CACNG6: variants seen among roughly 807,000 people sequenced by gnomAD.
CACNG6 encodes the protein voltage-dependent calcium channel gamma-6 subunit.
In CACNG6, 21 loss-of-function variants were observed where a neutral mutation model predicts 23.9. That is an observed-to-expected ratio of 0.88 (90% confidence interval 0.62 to 1.26). The LOEUF is 1.26. Ranked by LOEUF, CACNG6 falls within the 50% of genes most tolerant of loss-of-function variation. The pLI, the probability that CACNG6 is intolerant of heterozygous loss-of-function variation, is 0.00. For synonymous variants in CACNG6, 182 were observed against 168.9 expected (o/e 1.08, Z -0.60); for missense variants, 340 against 352.9 (o/e 0.96, Z 0.29).
chr19:54,011,615 A>T (rs1024845322), intron 3 of CACNG6, among the ~76,000 whole-genome samples: 15 of 151,908 alleles, frequency 9.9e-5, no homozygotes, highest in Admixed American at 9.2e-4. Context: ...TTGTTATGCA[A>T]CTATCACCCC....
At chr19:54,003,424 G>T (rs4806483) in intron 3 of CACNG6, among the ~76,000 whole-genome samples, 1 of 151,816 alleles carries the variant, frequency 6.6e-6, no homozygotes, top group Non-Finnish European at 1.5e-5. Flanking sequence ...GCAGCGGTGC[G>T]ATCTCGGCTC....
intron 3 of CACNG6, among the ~76,000 whole-genome samples, chr19:54,002,809 G>C (rs34281166): frequency 2.0e-5 from 3 of 152,128 alleles, no homozygotes; most frequent in Non-Finnish European, 4.4e-5. Context: ...GTTAGATTGC[G>C]TGTCAGGGAC....
intron 3 of CACNG6, among the ~76,000 whole-genome samples, chr19:54,006,727 G>A (rs181769997): frequency 6.6e-6 from 1 of 151,734 alleles, no homozygotes; most frequent in African/African-American, 2.4e-5. Context: ...TAGAGAGGGG[G>A]TTTCTCTATG....
At chr19:54,004,536 A>T (rs986333299) in intron 3 of CACNG6, among the ~76,000 whole-genome samples, 1 of 152,078 alleles carries the variant, frequency 6.6e-6, no homozygotes, top group Admixed American at 6.6e-5. Flanking sequence ...ATACTTTTAT[A>T]TCATAAGTCG....
At chr19:54,001,899 T>C (rs1473344374) in intron 3 of CACNG6, among the ~76,000 whole-genome samples, 1 of 152,176 alleles carries the variant, frequency 6.6e-6, no homozygotes, top group Admixed American at 6.5e-5. Flanking sequence ...GCCATGTAAT[T>C]GGGGCAAACC....
At chr19:54,001,527 G>A (rs1163628969) in intron 3 of CACNG6, among the ~76,000 whole-genome samples, 3 of 152,188 alleles carry the variant, frequency 2.0e-5, no homozygotes, top group Non-Finnish European at 4.4e-5. Flanking sequence ...ACACCTTCCT[G>A]TGCACCCCCA....
intron 1 of CACNG6, among the ~76,000 whole-genome samples, chr19:53,994,255 C>G (rs540276047): frequency 6.6e-6 from 1 of 152,312 alleles, no homozygotes; most frequent in South Asian, 2.1e-4. Context: ...AGACGCCTCC[C>G]AACACCCGAG....
intron 3 of CACNG6, 33 bp from the exon 4 acceptor site, chr19:54,011,918 G>A (rs749675655): frequency 1.4e-6 from 2 of 1,405,638 alleles, no homozygotes; most frequent in Non-Finnish European, 1.9e-6. Flanking sequence ...GGGGTCGCGG[G>A]CGTCTGACTG....
At chr19:54,003,413 T>G (rs1436453439) in intron 3 of CACNG6, among the ~76,000 whole-genome samples, 2 of 152,082 alleles carry the variant, frequency 1.3e-5, no homozygotes, top group Non-Finnish European at 2.9e-5. Flanking sequence ...CAGGCTGGAG[T>G]GCAGCGGTGC....
intron 1 of CACNG6, among the ~76,000 whole-genome samples, chr19:53,994,166 T>G (rs906333553): frequency 8.5e-5 from 13 of 152,100 alleles, no homozygotes; most frequent in African/African-American, 3.1e-4. Flanking sequence ...CTGTGAGCCC[T>G]GGGGAGACAG....
At chr19:53,997,940 G>T (rs1317758502) in intron 1 of CACNG6, among the ~76,000 whole-genome samples, 1 of 152,102 alleles carries the variant, frequency 6.6e-6, no homozygotes, top group Non-Finnish European at 1.5e-5. Context: ...CCATACGAAG[G>T]GGCCAGGAAA....
chr19:54,009,123 T>C lies in CACNG6; in HGVS notation c.545-2828T>C, dbSNP rs151219984. ...GGCCAACATGGTGAAACCATGACTC[T>C]ACTAAAAATACAAAAATTGCCGGGC... is the stretch of plus-strand genomic sequence containing the variant. On this transcript the variant is annotated intron_variant, in intron 3 of 3. Coordinates refer to ENST00000252729, the MANE Select transcript of CACNG6 (RefSeq NM_145814.2). Among the ~76,000 whole-genome samples the C allele has an allele frequency of 7.5e-3, 1,147 of 152,184 alleles. 12 individuals are homozygous for C. Among genetic ancestry groups the C allele is most frequent in the African/African-American group, 0.026 (1,100 of 41,526 alleles).
chr19:54,009,740 T>C (rs1016982320), intron 3 of CACNG6, among the ~76,000 whole-genome samples: 1 of 151,164 alleles, frequency 6.6e-6, no homozygotes, highest in Non-Finnish European at 1.5e-5. Context: ...GGGTAGGGTC[T>C]TTCTCTATCA....
intron 1 of CACNG6, among the ~76,000 whole-genome samples, chr19:53,997,100 G>A (rs1205663249): frequency 6.6e-6 from 1 of 151,792 alleles, no homozygotes; most frequent in East Asian, 1.9e-4. Flanking sequence ...AAACTCCTGA[G>A]CTCAAGTGAT....
At position 53,992,917 on chromosome 19, in the gene CACNG6, C is replaced by T. The variant is rs775391041; in HGVS notation, c.40C>T (p.Arg14Trp). 23 of 1,402,256 alleles carry T rather than the reference C, an allele frequency of 1.6e-5. No homozygotes were observed. The highest frequency in any genetic ancestry group is 6.1e-5 in the Admixed American group (2 of 33,000). 86.9% of individuals were successfully genotyped at this position (1,402,256 alleles called of 1,614,324 possible). The change falls in exon 1 of 4, where the codon CGG becomes TGG. Residue 14 changes from arginine to tryptophan, a missense_variant. Transcript: ENST00000252729. The surrounding 1 kb of genome is among the most constrained non-coding windows in gnomAD (Gnocchi z 4.1). Reference protein sequence around the residue: ...SNFFLQEENRRRGAAGRRRAH... With the variant: ...SNFFLQEENRWRGAAGRRRAH... ...CTTCTTCCTGCAAGAGGAGAACCGG[C>T]GGCGGGGGGCCGCGGGCCGGCGGCG...
intron 1 of CACNG6, among the ~76,000 whole-genome samples, chr19:53,993,953 C>T (rs2069495510): frequency 6.6e-6 from 1 of 152,092 alleles, no homozygotes; most frequent in South Asian, 2.1e-4. Context: ...CAGACCCAGC[C>T]TGTGATTCCA....
chr19:53,998,988 G>A (rs888913049), intron 2 of CACNG6, among the ~76,000 whole-genome samples: 1 of 152,176 alleles, frequency 6.6e-6, no homozygotes, highest in African/African-American at 2.4e-5. Flanking sequence ...TAGCCCTGCA[G>A]GGTGGGGGCT....
rs2069619563 is a variant in CACNG6 at position 54,004,650 on chromosome 19, C to T, written c.544+4879C>T. Among the ~76,000 whole-genome samples, 4 of 152,156 alleles carry T rather than the reference C, an allele frequency of 2.6e-5. No homozygotes were observed. In the South Asian group the frequency reaches 8.3e-4, roughly 31 times the overall value. ...CTGACTCCCGGCGCCCTGCGACTCC[C>T]TCTCCTGCCACCTGCTCTCCCTGCT... is the stretch of plus-strand genomic sequence containing the variant. On this transcript the variant is annotated intron_variant, in intron 3 of 3. Transcript: ENST00000252729.
chr19:53,995,809 G>A (rs920019913), intron 1 of CACNG6, among the ~76,000 whole-genome samples: 3 of 152,212 alleles, frequency 2.0e-5, no homozygotes, highest in African/African-American at 7.2e-5. Context: ...TTACAGGCAT[G>A]CACCACAACA....
Sources: allele counts gnomAD v4.1 joint callset (sites outside exome capture counted in the v4.1 genomes callset), GRCh38; gene constraint gnomAD v4.1.1; non-coding constraint Gnocchi (gnomAD v3.1); transcripts MANE v1.5; gene names NCBI Gene and HGNC (gene_info 2026-07-23, HGNC 2026-07-21).